COMMD1: variants seen among roughly 807,000 people sequenced by gnomAD.
The protein encoded by COMMD1 is copper metabolism domain containing 1, also known as COMM domain-containing protein 1.
COMMD1 carries 10 observed loss-of-function variants against 17.2 expected under a neutral mutation model. The observed-to-expected ratio is 0.58, with a 90% CI of 0.36 to 0.99. COMMD1 has a LOEUF of 0.99. Ranked by LOEUF, COMMD1 falls within the 50% of genes least tolerant of loss-of-function variation. COMMD1 has a pLI of 0.01. For missense variants in COMMD1, 270 were observed against 231.8 expected (o/e 1.17, Z -1.07); for synonymous variants, 97 against 91.6 (o/e 1.06, Z -0.34).
intron 2 of COMMD1, among the ~76,000 whole-genome samples, chr2:62,074,888 T>G (rs868432920): frequency 0.01 from 1,551 of 148,050 alleles, 23 homozygotes; most frequent in African/African-American, 0.037. Flanking sequence ...GTGTGGTTTT[T>G]TTTTTTTTTT....
intron 1 of COMMD1, among the ~76,000 whole-genome samples, chr2:61,962,866 C>A (rs7579874): frequency 0.91 from 137,919 of 152,116 alleles, 62,677 homozygotes; most frequent in East Asian, 1. Context: ...TTGCTATAAT[C>A]AAACTATAAT....
At chr2:61,943,540 A>T (rs1171933601) in intron 1 of COMMD1, among the ~76,000 whole-genome samples, 1 of 152,158 alleles carries the variant, frequency 6.6e-6, no homozygotes, top group Non-Finnish European at 1.5e-5. Context: ...GGAGGGCTCA[A>T]AGTGAGGAAT....
At chr2:61,938,682 G>A (rs1670662597) in intron 1 of COMMD1, among the ~76,000 whole-genome samples, 1 of 152,110 alleles carries the variant, frequency 6.6e-6, no homozygotes, top group African/African-American at 2.4e-5. Context: ...GAGAGGCAAG[G>A]ACTGAAGTTG....
intron 1 of COMMD1, among the ~76,000 whole-genome samples, chr2:61,978,814 C>A (rs925215277): frequency 2.6e-5 from 4 of 152,124 alleles, no homozygotes; most frequent in African/African-American, 9.7e-5. Context: ...TTTCCTAAGA[C>A]TTGAGCCAGA....
intron 1 of COMMD1, among the ~76,000 whole-genome samples, chr2:61,896,420 T>TA (rs939053581): frequency 2.2e-4 from 32 of 146,864 alleles, no homozygotes; most frequent in African/African-American, 2.0e-4. Context: ...ATCCTGTCTC[T>TA]AAAAAAAAAA....
At chr2:62,083,409 A>G (rs1277906919) in intron 2 of COMMD1, among the ~76,000 whole-genome samples, 1 of 152,244 alleles carries the variant, frequency 6.6e-6, no homozygotes, top group East Asian at 1.9e-4. Flanking sequence ...CTATATTCTG[A>G]TAAAGCTTTA....
chr2:61,919,951 C>T (rs1670145694), intron 1 of COMMD1, among the ~76,000 whole-genome samples: 1 of 151,820 alleles, frequency 6.6e-6, no homozygotes, highest in Non-Finnish European at 1.5e-5. Context: ...ACATAGGGAG[C>T]CCCTGTCTCT....
chr2:61,905,637 G>A (rs965958191), upstream of COMMD1: 2 of 1,493,754 alleles, frequency 1.3e-6, no homozygotes, highest in African/African-American at 1.4e-5. Context: ...CCGCCGTGGC[G>A]GGGCACGGCT....
intron 1 of COMMD1, among the ~76,000 whole-genome samples, chr2:61,906,628 A>G (rs1572948232): frequency 1.7e-5 from 2 of 114,392 alleles, no homozygotes; most frequent in African/African-American, 1.1e-4. Context: ...AACTAGTTAT[A>G]GGAATGTAGT....
chr2:61,917,228 G>A (rs1185242323), intron 1 of COMMD1, among the ~76,000 whole-genome samples: 1 of 151,936 alleles, frequency 6.6e-6, no homozygotes, highest in Admixed American at 6.6e-5. Flanking sequence ...ATGGTAGCGT[G>A]CACCTGTAAT....
At chr2:62,129,958 G>A (rs997870612) in intron 2 of COMMD1, among the ~76,000 whole-genome samples, 1 of 152,078 alleles carries the variant, frequency 6.6e-6, no homozygotes, top group African/African-American at 2.4e-5. Context: ...GGTGGATCAC[G>A]AGGTCAGGAG....
intron 1 of COMMD1, among the ~76,000 whole-genome samples, chr2:61,976,433 C>T (rs1184359077): frequency 1.3e-5 from 2 of 152,118 alleles, no homozygotes; most frequent in Non-Finnish European, 2.9e-5. Context: ...AAGAGTATTA[C>T]ACAATGATAA....
upstream of COMMD1, among the ~76,000 whole-genome samples, chr2:61,903,263 G>A (rs1023754132): frequency 6.6e-6 from 1 of 151,984 alleles, no homozygotes; most frequent in Non-Finnish European, 1.5e-5. Context: ...GGCCAACATG[G>A]TGAAACCCCT....
At chr2:62,116,305 A>T (rs1164494373) in intron 2 of COMMD1, among the ~76,000 whole-genome samples, 10 of 152,230 alleles carry the variant, frequency 6.6e-5, no homozygotes, top group Admixed American at 6.5e-4. Flanking sequence ...TTGGTAAAAA[A>T]GTTGCCAAAC....
At position 61,890,578 on chromosome 2, in the gene COMMD1, C is replaced by T. The variant is rs952344338; in HGVS notation, n.119+1736C>T. ...ACTAGGGGCCTGGCTCAGTAGCTCACGCCTGTAATCCCAGCACTTTGGGAG... is the reference window on the plus strand; with the variant it reads ...ACTAGGGGCCTGGCTCAGTAGCTCATGCCTGTAATCCCAGCACTTTGGGAG... On this transcript the variant is annotated intron_variant and non_coding_transcript_variant, in intron 1 of 2. Transcript: ENST00000472729. Among the ~76,000 whole-genome samples, 6 of 152,050 alleles carry T rather than the reference C, an allele frequency of 3.9e-5. No homozygotes were observed. In the East Asian group the frequency reaches 5.8e-4, roughly 15 times the overall value.
chr2:61,902,509 T>G (rs947886469), upstream of COMMD1, among the ~76,000 whole-genome samples: 1 of 150,168 alleles, frequency 6.7e-6, no homozygotes, highest in Non-Finnish European at 1.5e-5. Context: ...AAACTCCACC[T>G]TAAAAAAAAA....
chr2:61,900,279 T>C (rs888046689), intron 1 of COMMD1, among the ~76,000 whole-genome samples: 1 of 152,238 alleles, frequency 6.6e-6, no homozygotes, highest in African/African-American at 2.4e-5. Flanking sequence ...AGTCAGGATA[T>C]GCTGAAGTGG....
chr2:62,073,307 C>T (rs1472185756), intron 2 of COMMD1, among the ~76,000 whole-genome samples: 1 of 152,152 alleles, frequency 6.6e-6, no homozygotes, highest in Non-Finnish European at 1.5e-5. Flanking sequence ...AGTCTGATGA[C>T]TTTAAGTTCT....
chr2:62,049,075 T>C (rs1670465186), intron 2 of COMMD1, among the ~76,000 whole-genome samples: 1 of 151,946 alleles, frequency 6.6e-6, no homozygotes, highest in Non-Finnish European at 1.5e-5. Flanking sequence ...TTACATGCAA[T>C]AGAAATGCAA....
Sources: gnomAD v4.1 joint callset for allele counts (sites outside exome capture counted in the v4.1 genomes callset) on GRCh38, gnomAD v4.1.1 for gene constraint, MANE v1.5 for transcripts, NCBI Gene and HGNC (gene_info 2026-07-23, HGNC 2026-07-21) for gene names.